CYP2U1: variants seen among roughly 807,000 people sequenced by gnomAD.
CYP2U1 encodes the protein cytochrome P450 family 2 subfamily U member 1.
In CYP2U1, 28 loss-of-function variants were observed where a neutral mutation model predicts 42.8. The observed-to-expected ratio is 0.65, with a 90% CI of 0.48 to 0.90. The LOEUF (loss-of-function observed/expected upper bound fraction) is 0.90, where lower values mean the gene tolerates loss of function less well. Among genes scored for constraint, CYP2U1 ranks in the 40% least tolerant of loss-of-function variants. The probability of loss-of-function intolerance (pLI) is 0.00; values close to 1 mark genes in which losing one functional copy is unlikely to be tolerated. For synonymous variants in CYP2U1, 296 were observed against 278.9 expected, an observed-to-expected ratio of 1.06 and a Z score of -0.61; for missense variants, 642 against 693.8, an observed-to-expected ratio of 0.93 and a Z score of 0.84.
rs1194348566 is a variant in CYP2U1 at position 107,951,795 on chromosome 4, C to CACTT, written c.*1374_*1377dup. ...TGAACCTTTCCTCATGCTGGCTCTA[C>CACTT]ACTTAATCCTTTACTTGTATGTTTC... On this transcript the variant is annotated 3_prime_UTR_variant, in exon 5 of 5. Coordinates refer to ENST00000332884, the MANE Select transcript of CYP2U1 (RefSeq NM_183075.3). The CACTT allele has an allele frequency of 6.6e-6, 1 of 152,204 alleles. No individual in the cohort carries two copies. Among genetic ancestry groups the CACTT allele is most frequent in the Non-Finnish European group, 1.5e-5 (1 of 68,038 alleles). 9.4% of individuals were successfully genotyped at this position (152,204 alleles called of 1,614,324 possible). A position where few individuals can be genotyped will look rare whatever the true frequency, so the allele number is the denominator to read the frequency against.
rs1733655583 is a variant in CYP2U1 at position 107,945,262 on chromosome 4, C to A, written c.783C>A (p.Ile261=). 1.2e-6 allele frequency: 2 copies of A among 1,614,020 alleles called. No homozygotes were observed. The highest frequency in any genetic ancestry group is 1.3e-5 in the African/African-American group (1 of 74,918). The part of the protein sequence containing the change: ...MLGFMSRGLE[I]CLNSQVLLVN... Reference sequence around the variant, plus strand: ...GTTTTATGTCACGAGGCCTAGAAATCTGTCTGAACAGTCAAGTCCTCCTGG... The same window carrying A: ...GTTTTATGTCACGAGGCCTAGAAATATGTCTGAACAGTCAAGTCCTCCTGG... Residue 261 remains isoleucine, a synonymous_variant, in exon 2 of 5, where the codon ATC becomes ATA. Coordinates refer to ENST00000332884, the MANE Select transcript of CYP2U1 (RefSeq NM_183075.3).
In CYP2U1 at chr4:107,947,786, A is replaced by G. The variant is rs140024541; in HGVS notation, c.1288+249A>G. Among the ~76,000 whole-genome samples, 392 of 152,348 alleles carry G rather than the reference A, an allele frequency of 2.6e-3. 2 individuals are homozygous for G. Among genetic ancestry groups the G allele is most frequent in the African/African-American group, 9.1e-3 (378 of 41,572 alleles). ...TAGCCTTCAGAGCATACACAATTAT[A>G]CTGGCAAAACAAATAATGTCAAAAT... On this transcript the variant is annotated intron_variant, in intron 3 of 4. Transcript: ENST00000332884.
chr4:107,947,084 G>A (rs1047271868), intron 2 of CYP2U1, among the ~76,000 whole-genome samples: 2 of 152,186 alleles, frequency 1.3e-5, no homozygotes, highest in African/African-American at 4.8e-5. Context: ...TCAATCCCAT[G>A]TTCATAATGA....
At chr4:107,940,217 C>CTA (rs1416234762) in intron 1 of CYP2U1, 2 of 151,572 alleles carry the variant, frequency 1.3e-5, no homozygotes, top group African/African-American at 2.4e-5. Context: ...GTAGCTGGAA[C>CTA]TACAGGCTTG....
chr4:107,950,514 C>G lies in CYP2U1; in HGVS notation c.*91C>G. On this transcript the variant is annotated 3_prime_UTR_variant, in exon 5 of 5. Transcript: ENST00000332884. ...CTACTGCAAAGGACAGTGAATCCAGCAACTCAGTGGATCCAAGCTGGGCTC... is the reference window on the plus strand; with the variant it reads ...CTACTGCAAAGGACAGTGAATCCAGGAACTCAGTGGATCCAAGCTGGGCTC... 1 of 1,338,504 alleles carries G rather than the reference C, an allele frequency of 7.5e-7. No homozygotes were observed. Among genetic ancestry groups the G allele is most frequent in the Non-Finnish European group, 1.0e-6 (1 of 1,004,996 alleles). 82.9% of individuals were successfully genotyped at this position (1,338,504 alleles called of 1,614,324 possible). A position where few individuals can be genotyped will look rare whatever the true frequency, so the allele number is the denominator to read the frequency against.
At chr4:107,933,163 C>A (rs556913557) in intron 1 of CYP2U1, among the ~76,000 whole-genome samples, 3 of 152,288 alleles carry the variant, frequency 2.0e-5, no homozygotes, top group African/African-American at 7.2e-5. Context: ...ATTGTATGAT[C>A]CACTTATATG....
In CYP2U1 at chr4:107,931,757, G is replaced by A; in HGVS notation, c.114G>A (p.Leu38=). 6.9e-7 allele frequency: 1 copy of A among 1,454,598 alleles called. No homozygotes were observed. Among genetic ancestry groups the A allele is most frequent in the Non-Finnish European group, 9.0e-7 (1 of 1,112,292 alleles). 90.1% of individuals were successfully genotyped at this position (1,454,598 alleles called of 1,614,324 possible). A position where few individuals can be genotyped will look rare whatever the true frequency, so the allele number is the denominator to read the frequency against. ...TGGACCCCAGCGGGGGCGCGCTGCT[G>A]CTATGCGGCCTCGTAGCGCTGCTGG... ...LRLDPSGGAL[L]LCGLVALLGW... Residue 38 remains leucine, a synonymous_variant, in exon 1 of 5, where the codon CTG becomes CTA. Transcript: ENST00000332884.
Position 107,931,816 on chromosome 4 carries a change from G to T in CYP2U1, c.173G>T (p.Gly58Val). ...WSWLRRRRAR[G>V]IPPGPTPWPL... ...TGGCTGCGGAGGCGCCGGGCGCGGG[G>T]CATCCCGCCCGGGCCCACGCCCTGG... Residue 58 changes from glycine (G) to valine (V), a missense_variant, in exon 1 of 5, where the codon GGC (glycine) becomes GTC (valine). Transcript: ENST00000332884. The T allele has an allele frequency of 1.3e-6, 2 of 1,522,152 alleles. No homozygotes were observed. Among genetic ancestry groups the T allele is most frequent in the Non-Finnish European group, 1.8e-6 (2 of 1,134,402 alleles). The allele number at this position is 1,522,152 out of a possible 1,614,324, so 94.3% of individuals were successfully genotyped here.
In CYP2U1 at chr4:107,951,302, G is replaced by A. The variant is rs1183774460; in HGVS notation, c.*879G>A. 2.6e-5 allele frequency: 4 copies of A among 152,142 alleles called. No homozygotes were observed. The highest frequency in any genetic ancestry group is 5.9e-5 in the Non-Finnish European group (4 of 68,028). The allele number at this position is 152,142 out of a possible 1,614,324, so 9.4% of individuals were successfully genotyped here. A position where few individuals can be genotyped will look rare whatever the true frequency, so the allele number is the denominator to read the frequency against. ...TTAAGGCCTGAATGGTGAGCATGGG[G>A]ATTTTGATACTGGGACTCATCAGGA... On this transcript the variant is annotated 3_prime_UTR_variant, in exon 5 of 5. Transcript: ENST00000332884.
At position 107,945,148 on chromosome 4, in the gene CYP2U1, CAT is replaced by C. The variant is rs1175040938; in HGVS notation, c.670_671del (p.Ile224GlnfsTer6). On this transcript the variant is annotated frameshift_variant, in exon 2 of 5. Transcript: ENST00000332884. LOFTEE classifies it high-confidence loss of function. ...GEDPFCPFSI[I>X]SNAVSNIICS... ...AAGACCCCTTCTGCCCTTTCTCCATCATCAGCAATGCCGTCTCTAACATCATT... is the reference window on the plus strand; with the variant it reads ...AAGACCCCTTCTGCCCTTTCTCCATCCAGCAATGCCGTCTCTAACATCATT... 6.2e-7 allele frequency: 1 copy of C among 1,613,996 alleles called. No individual in the cohort carries two copies. The highest frequency in any genetic ancestry group is 8.5e-7 in the Non-Finnish European group (1 of 1,180,006).
rs1732994111 is a variant in CYP2U1 at position 107,931,830 on chromosome 4, C to G, written c.187C>G (p.Pro63Ala). 1.3e-6 allele frequency: 2 copies of G among 1,533,506 alleles called. No individual in the cohort carries two copies. Among genetic ancestry groups the G allele is most frequent in the African/African-American group, 2.8e-5 (2 of 72,558 alleles). 95.0% of individuals were successfully genotyped at this position (1,533,506 alleles called of 1,614,324 possible). Residue 63 changes from proline (P) to alanine (A), a missense_variant, in exon 1 of 5, where the codon CCC becomes GCC. Pro to Ala is a conservative substitution (Grantham distance 27). Transcript: ENST00000332884. ...RRRARGIPPGPTPWPLVGNFG... is the reference protein window; with the variant it reads ...RRRARGIPPGATPWPLVGNFG... ...CCGGGCGCGGGGCATCCCGCCCGGG[C>G]CCACGCCCTGGCCTCTGGTGGGCAA... is the stretch of plus-strand genomic sequence containing the variant.
intron 1 of CYP2U1, chr4:107,940,635 T>C (rs1733457311): frequency 1.3e-5 from 2 of 152,060 alleles, no homozygotes; most frequent in South Asian, 2.1e-4. Context: ...CATTTATAAA[T>C]GTAAAAGCTA....
At chr4:107,933,063 C>G (rs901615189) in intron 1 of CYP2U1, among the ~76,000 whole-genome samples, 2 of 152,198 alleles carry the variant, frequency 1.3e-5, no homozygotes, top group Admixed American at 6.5e-5. Flanking sequence ...CTATTTCCTG[C>G]CCCTATAACA....
At chr4:107,932,184 C>T in intron 1 of CYP2U1, 51 bp downstream of exon 1, 1 of 1,552,680 alleles carries the variant, frequency 6.4e-7, no homozygotes, top group Middle Eastern at 1.8e-4. Context: ...GGATGAGTCT[C>T]CAGGTGCGTG....
intron 1 of CYP2U1, among the ~76,000 whole-genome samples, chr4:107,944,201 T>A (rs146070685): frequency 1.3e-5 from 2 of 152,220 alleles, no homozygotes; most frequent in Non-Finnish European, 2.9e-5. Context: ...ATATGGTCTG[T>A]GCCCTCATGT....
At chr4:107,945,667 A>G (rs944992306) in intron 2 of CYP2U1, 62 bp downstream of exon 2, 8 of 1,508,418 alleles carry the variant, frequency 5.3e-6, no homozygotes, top group Non-Finnish European at 7.1e-6. Context: ...AGGATTAGCA[A>G]CCTCAGTGAT....
At chr4:107,932,539 T>C (rs1229705723) in intron 1 of CYP2U1, among the ~76,000 whole-genome samples, 1 of 152,158 alleles carries the variant, frequency 6.6e-6, no homozygotes, top group African/African-American at 2.4e-5. Flanking sequence ...CCTTGTGGGT[T>C]TCGAATGTAA....
chr4:107,932,142 G>A lies in CYP2U1; in HGVS notation c.490+9G>A. ...CGTGACCAAGGAGAAGGGTGAGCGG[G>A]AGGTCGTGGGCTGTGGGTACGCGGA... On this transcript the variant is annotated intron_variant, in intron 1 of 4. Transcript: ENST00000332884. 6.3e-7 allele frequency: 1 copy of A among 1,599,688 alleles called. No homozygotes were observed. Among genetic ancestry groups the A allele is most frequent in the African/African-American group, 1.3e-5 (1 of 74,842 alleles).
intron 1 of CYP2U1, chr4:107,937,838 C>T (rs1435807012): frequency 1.3e-5 from 2 of 151,988 alleles, no homozygotes; most frequent in Non-Finnish European, 2.9e-5. Flanking sequence ...ATATTTGCCT[C>T]CTTAAAATGG....
Sources: allele counts gnomAD v4.1 joint callset (sites outside exome capture counted in the v4.1 genomes callset), GRCh38; gene constraint gnomAD v4.1.1; transcripts MANE v1.5; gene names NCBI Gene and HGNC (gene_info 2026-07-23, HGNC 2026-07-21).